The following FGGY variants were observed in gnomAD, a reference collection of about 807,000 sequenced individuals.
FGGY encodes FGGY carbohydrate kinase domain containing, also known as FGGY carbohydrate kinase domain-containing protein.
FGGY carries 72 observed loss-of-function variants against 71.3 expected under a neutral mutation model. The ratio of observed to expected loss-of-function variants is 1.01; its 90% CI spans 0.84 to 1.23. The LOEUF (loss-of-function observed/expected upper bound fraction) is 1.23. Ranked by LOEUF, FGGY falls within the 50% of genes most tolerant of loss-of-function variation. The probability of loss-of-function intolerance (pLI) is 0.00; values close to 1 mark genes in which losing one functional copy is unlikely to be tolerated. For missense variants in FGGY, 668 were observed against 682.3 expected, an observed-to-expected ratio of 0.98 and a Z score of 0.23; for synonymous variants, 251 against 250.3, an observed-to-expected ratio of 1.00 and a Z score of -0.02.
At chr1:59,525,085 G>A (rs562429914) in intron 7 of FGGY, among the ~76,000 whole-genome samples, 18 of 152,318 alleles carry the variant, frequency 1.2e-4, no homozygotes, top group Admixed American at 4.6e-4. Flanking sequence ...ATCCAGATGC[G>A]GGTGCCCATA....
chr1:59,478,815 G>T (rs1408515550), intron 6 of FGGY, among the ~76,000 whole-genome samples: 1 of 152,176 alleles, frequency 6.6e-6, no homozygotes, highest in African/African-American at 2.4e-5. Flanking sequence ...AGGAAGATGT[G>T]CCTGCAAAGG....
intron 4 of FGGY, among the ~76,000 whole-genome samples, chr1:59,373,806 A>T (rs1239674293): frequency 1.3e-5 from 2 of 152,232 alleles, no homozygotes; most frequent in Non-Finnish European, 2.9e-5. Context: ...AGCAATGGGG[A>T]AAGGATTCCC....
intron 2 of FGGY, among the ~76,000 whole-genome samples, chr1:59,324,860 T>TGCTCATCTG (rs1181982395): frequency 2.0e-5 from 3 of 152,192 alleles, no homozygotes; most frequent in African/African-American, 7.2e-5. Flanking sequence ...TGCCTTTACC[T>TGCTCATCTG]GGTTGCCTGC....
chr1:59,678,621 T>C (rs1312563211), intron 14 of FGGY, among the ~76,000 whole-genome samples: 2 of 152,212 alleles, frequency 1.3e-5, no homozygotes, highest in Non-Finnish European at 2.9e-5. Flanking sequence ...GGCTCTCCAC[T>C]TTCTGTTTCC....
intron 14 of FGGY, among the ~76,000 whole-genome samples, chr1:59,692,564 A>G (rs899343639): frequency 2.0e-5 from 3 of 151,804 alleles, no homozygotes; most frequent in Admixed American, 1.3e-4. Context: ...GGAGTCCAAC[A>G]GGGTTCCCAA....
intron 14 of FGGY, among the ~76,000 whole-genome samples, chr1:59,684,957 C>T (rs549915754): frequency 6.6e-6 from 1 of 152,320 alleles, no homozygotes; most frequent in African/African-American, 2.4e-5. Flanking sequence ...TTCACCACAA[C>T]CCTATGAGGT....
At chr1:59,527,695 A>G (rs1394848923) in intron 7 of FGGY, among the ~76,000 whole-genome samples, 1 of 152,208 alleles carries the variant, frequency 6.6e-6, no homozygotes, top group Non-Finnish European at 1.5e-5. Context: ...AAATTACCCC[A>G]CATAACTTGC....
intron 6 of FGGY, among the ~76,000 whole-genome samples, chr1:59,486,659 C>G (rs191620980): frequency 3.3e-5 from 5 of 152,286 alleles, no homozygotes; most frequent in African/African-American, 9.6e-5. Context: ...GCCTTTCATC[C>G]TAGCTACCTT....
chr1:59,653,615 G>A (rs1053488462), intron 11 of FGGY, among the ~76,000 whole-genome samples: 20 of 152,178 alleles, frequency 1.3e-4, no homozygotes, highest in Non-Finnish European at 2.9e-5. Context: ...TTCGGCTTGC[G>A]CATGGTGCTT....
intron 14 of FGGY, among the ~76,000 whole-genome samples, chr1:59,709,893 G>T (rs2097782264): frequency 1.3e-5 from 2 of 152,212 alleles, no homozygotes; most frequent in Non-Finnish European, 2.9e-5. Context: ...TGTGTTGTCA[G>T]CCTGACACTC....
intron 14 of FGGY, among the ~76,000 whole-genome samples, chr1:59,688,459 A>G (rs2097562830): frequency 6.6e-6 from 1 of 152,236 alleles, no homozygotes; most frequent in Non-Finnish European, 1.5e-5. Flanking sequence ...AGAAAACTAC[A>G]TACATAATTC....
intron 10 of FGGY, among the ~76,000 whole-genome samples, chr1:59,627,489 T>TATATATATATATACACAC (rs1469493501): frequency 3.2e-5 from 3 of 92,798 alleles, no homozygotes; most frequent in East Asian, 2.9e-4. Flanking sequence ...TATATATATA[T>TATATATATATATACACAC]ACACACACAC....
At chr1:59,612,351 T>G (rs1291512656) in intron 9 of FGGY, among the ~76,000 whole-genome samples, 1 of 152,158 alleles carries the variant, frequency 6.6e-6, no homozygotes, top group Non-Finnish European at 1.5e-5. Flanking sequence ...TCAACATTCT[T>G]AAAGAAAAGA....
intron 6 of FGGY, among the ~76,000 whole-genome samples, chr1:59,497,914 C>G (rs1469286438): frequency 6.6e-6 from 1 of 151,842 alleles, no homozygotes; most frequent in African/African-American, 2.4e-5. Flanking sequence ...CTTCCAGGCC[C>G]TTTTTTGCAC....
At chr1:59,652,028 A>C (rs2097167633) in intron 11 of FGGY, among the ~76,000 whole-genome samples, 1 of 149,606 alleles carries the variant, frequency 6.7e-6, no homozygotes, top group African/African-American at 2.4e-5. Context: ...GTTTGGCTGG[A>C]TATGAAATTC....
intron 7 of FGGY, among the ~76,000 whole-genome samples, chr1:59,538,318 G>A (rs1296672169): frequency 6.6e-6 from 1 of 150,478 alleles, no homozygotes; most frequent in Admixed American, 6.6e-5. Context: ...CAGTTAGAAT[G>A]GCAATCATTA....
intron 14 of FGGY, chr1:59,755,682 G>A (rs2098283668): frequency 6.6e-6 from 1 of 152,208 alleles, no homozygotes; most frequent in South Asian, 2.1e-4. Flanking sequence ...TGTGGAGAAA[G>A]GAGGGAAGAA....
chr1:59,592,661 T>C (rs1032995166), intron 8 of FGGY, among the ~76,000 whole-genome samples: 3 of 151,972 alleles, frequency 2.0e-5, no homozygotes, highest in Non-Finnish European at 2.9e-5. Flanking sequence ...TGGAAATCAT[T>C]ATTCTCAGTA....
intron 14 of FGGY, among the ~76,000 whole-genome samples, chr1:59,731,290 C>T (rs2100928443): frequency 6.6e-6 from 1 of 152,320 alleles, no homozygotes; most frequent in African/African-American, 2.4e-5. Context: ...TAAATGTGGG[C>T]TTCTGCTCTT....
Sources: allele counts gnomAD v4.1 joint callset (sites outside exome capture counted in the v4.1 genomes callset), GRCh38; gene constraint gnomAD v4.1.1; transcripts MANE v1.5; gene names NCBI Gene and HGNC (gene_info 2026-07-23, HGNC 2026-07-21).